The following CD164 variants were observed in gnomAD, a reference collection of about 807,000 sequenced individuals.
CD164 encodes sialomucin core protein 24.
A neutral mutation model predicts 24.6 loss-of-function variants in CD164; 11 were observed. The observed-to-expected ratio is 0.45, with a 90% CI of 0.28 to 0.74. The LOEUF (loss-of-function observed/expected upper bound fraction) is 0.74. CD164 is among the 30% of genes least tolerant of loss of function. CD164 has a pLI of 0.13. For synonymous variants in CD164, 126 were observed against 100.3 expected (o/e 1.26, Z -1.53); for missense variants, 295 against 243.7 (o/e 1.21, Z -1.40).
At position 109,369,106 on chromosome 6, in the gene CD164, T is replaced by C. The variant is rs963000064; in HGVS notation, c.428-89A>G. The C allele has an allele frequency of 3.9e-5, 45 of 1,147,594 alleles. No individual in the cohort carries two copies. In the South Asian group the frequency reaches 6.5e-4, roughly 17 times the overall value. 71.1% of individuals were successfully genotyped at this position (1,147,594 alleles called of 1,614,324 possible). Reference sequence around the variant, plus strand: ...ATGCACCTGAGCCTCTATTTTGCCATGTGTTAAATTCTATAAAGTATTTCC... The same window carrying C: ...ATGCACCTGAGCCTCTATTTTGCCACGTGTTAAATTCTATAAAGTATTTCC... On this transcript the variant is annotated intron_variant, in intron 5 of 5. Transcript: ENST00000310786.
At position 109,381,709 on chromosome 6, in the gene CD164, C is replaced by T. The variant is rs79834320; in HGVS notation, c.175+495G>A. 0.01 allele frequency: 6,424 copies of T among 633,654 alleles called. 294 individuals are homozygous for T. In the African/African-American group the frequency reaches 0.1, roughly 10 times the overall value. 39.3% of individuals were successfully genotyped at this position (633,654 alleles called of 1,614,324 possible). ...AAGTCTGAGACACGAACGAGCATTA[C>T]CGTCTTTAAGTTTCTCTTTCCCGGA... is the stretch of plus-strand genomic sequence containing the variant. On this transcript the variant is annotated intron_variant, in intron 1 of 5. Coordinates refer to ENST00000310786, the MANE Select transcript of CD164 (RefSeq NM_006016.6).
chr6:109,370,337 T>C (rs1011974925), intron 5 of CD164, 74 bp downstream of exon 5: 11 of 1,216,086 alleles, frequency 9.0e-6, no homozygotes, highest in Non-Finnish European at 1.2e-5. Context: ...AGCTGGAAAA[T>C]GATGGCAGAA....
intron 4 of CD164, among the ~76,000 whole-genome samples, chr6:109,374,088 T>C (rs1388636823): frequency 6.6e-6 from 1 of 152,196 alleles, no homozygotes; most frequent in Non-Finnish European, 1.5e-5. Flanking sequence ...TTTACTACCC[T>C]ACCCCCATCC....
chr6:109,369,989 G>C (rs908746649), intron 5 of CD164, among the ~76,000 whole-genome samples: 1 of 152,132 alleles, frequency 6.6e-6, no homozygotes, highest in Admixed American at 6.5e-5. Flanking sequence ...AAGAAAGTGA[G>C]GTGCACATCT....
At chr6:109,379,857 A>G in intron 1 of CD164, 195 bp from the exon 2 acceptor site, 3 of 513,726 alleles carry the variant, frequency 5.8e-6, no homozygotes, top group South Asian at 4.5e-5. Flanking sequence ...ACGCATTAGA[A>G]AAACAAGCTA....
intron 1 of CD164, 21 bp downstream of exon 1, chr6:109,382,183 G>A (rs746615779): frequency 5.3e-6 from 8 of 1,512,782 alleles, no homozygotes; most frequent in Non-Finnish European, 6.2e-6. Flanking sequence ...AGGGCGGGAA[G>A]CCCACAGGGC....
At position 109,370,090 on chromosome 6, in the gene CD164, CA is replaced by C. The variant is rs552941358; in HGVS notation, c.427+320del. ...TCGCCATGCTCTCTCATACAGCACA[CA>C]ACCAATCCCTAACGGTAATCAGAAG... On this transcript the variant is annotated intron_variant, in intron 5 of 5. Coordinates refer to ENST00000310786, the MANE Select transcript of CD164 (RefSeq NM_006016.6). Among the ~76,000 whole-genome samples the C allele has an allele frequency of 1.1e-3, 166 of 152,298 alleles. 1 individual carries two copies. Among genetic ancestry groups the C allele is most frequent in the African/African-American group, 3.9e-3 (163 of 41,568 alleles).
rs896134245 is a variant in CD164, at chr6:109,367,077, C to CCATGG, written c.*1769_*1773dup. On this transcript the variant is annotated 3_prime_UTR_variant, in exon 6 of 6. Transcript: ENST00000310786. ...TACAGCACTCACTAAAAACTAACAGCCATGGCACCATAATACATTTTGTGA... is the reference window on the plus strand; with the variant it reads ...TACAGCACTCACTAAAAACTAACAGCCATGGCATGGCACCATAATACATTTTGTGA... The CCATGG allele has an allele frequency of 6.6e-6, 1 of 152,522 alleles. No individual in the cohort carries two copies. Among genetic ancestry groups the CCATGG allele is most frequent in the Non-Finnish European group, 1.5e-5 (1 of 68,018 alleles). The allele number at this position is 152,522 out of a possible 1,614,324, so 9.4% of individuals were successfully genotyped here.
chr6:109,382,108 A>C (rs547898144), intron 1 of CD164, 96 bp downstream of exon 1: 221 of 1,140,662 alleles, frequency 1.9e-4, no homozygotes, highest in Middle Eastern at 1.6e-3. Flanking sequence ...CGCCCGCCCG[A>C]CCGTGGCCCG....
intron 3 of CD164, among the ~76,000 whole-genome samples, chr6:109,377,189 A>G (rs1771457654): frequency 6.6e-6 from 1 of 152,230 alleles, no homozygotes. Flanking sequence ...GTGAAGTAAA[A>G]CTGATCTAAT....
chr6:109,380,867 TATC>T (rs1470317342), intron 1 of CD164, among the ~76,000 whole-genome samples: 6 of 152,246 alleles, frequency 3.9e-5, no homozygotes, highest in African/African-American at 1.4e-4. Context: ...TATTCTGCTC[TATC>T]ATCTTAAAAT....
At chr6:109,376,017 A>G in intron 4 of CD164, 57 bp downstream of exon 4, 1 of 1,312,574 alleles carries the variant, frequency 7.6e-7, no homozygotes, top group Non-Finnish European at 1.1e-6. Context: ...AAACTAATCC[A>G]TCAAGAAAGC....
In CD164 at chr6:109,370,407, T is replaced by G. The variant is rs1771011704; in HGVS notation, c.427+4A>C. ...TCATTGCTAATCTAAAAAGCCTCAATTACCTGATGTAGTAACTGTCTTGGA... is the reference window on the plus strand; with the variant it reads ...TCATTGCTAATCTAAAAAGCCTCAAGTACCTGATGTAGTAACTGTCTTGGA... On this transcript the variant is annotated splice_donor_region_variant and intron_variant, in intron 5 of 5. Coordinates refer to ENST00000310786, the MANE Select transcript of CD164 (RefSeq NM_006016.6). 1.9e-6 allele frequency: 3 copies of G among 1,609,742 alleles called. No homozygotes were observed. The highest frequency in any genetic ancestry group is 2.6e-6 in the Non-Finnish European group (3 of 1,176,254).
At chr6:109,381,561 T>TG (rs1771748305) in intron 1 of CD164, 4 of 702,606 alleles carry the variant, frequency 5.7e-6, no homozygotes, top group South Asian at 3.0e-5. Context: ...ATGGGTACTT[T>TG]TCTTCCTTTT....
At chr6:109,377,993 G>C in intron 2 of CD164, 22 bp from the exon 3 acceptor site, 1 of 1,588,150 alleles carries the variant, frequency 6.3e-7, no homozygotes, top group South Asian at 1.1e-5. Context: ...CAGGGGAAAA[G>C]AGACAAACAG....
chr6:109,371,107 G>A (rs899721840), intron 4 of CD164: 1 of 152,272 alleles, frequency 6.6e-6, no homozygotes, highest in Non-Finnish European at 1.5e-5. Context: ...CACTGCATGA[G>A]GCCAAAATAC....
intron 1 of CD164, chr6:109,381,422 T>G: frequency 1.5e-6 from 1 of 685,236 alleles, no homozygotes; most frequent in South Asian, 1.5e-5. Context: ...TTAAAAACAA[T>G]TGAAAAAAGA....
At chr6:109,375,617 C>CAAAAAAAAAAA (rs58138405) in intron 4 of CD164, among the ~76,000 whole-genome samples, 2 of 71,382 alleles carry the variant, frequency 2.8e-5, no homozygotes, top group African/African-American at 7.4e-5. Context: ...ACTTCGCTTC[C>CAAAAAAAAAAA]AAAAAAAAAA....
intron 1 of CD164, 178 bp downstream of exon 1, chr6:109,382,026 C>G (rs1771782611): frequency 2.1e-6 from 1 of 479,864 alleles, no homozygotes; most frequent in Admixed American, 4.6e-5. Context: ...GCTCCCCACC[C>G]GGCCCGGCCA....
Sources: allele counts gnomAD v4.1 joint callset (sites outside exome capture counted in the v4.1 genomes callset), GRCh38; gene constraint gnomAD v4.1.1; transcripts MANE v1.5; gene names NCBI Gene and HGNC (gene_info 2026-07-23, HGNC 2026-07-21).